The following ASAP1 variants were observed in gnomAD, a reference collection of about 807,000 sequenced individuals.
ASAP1 encodes the protein arf-GAP with SH3 domain, ANK repeat and PH domain-containing protein 1.
ASAP1 carries 43 observed loss-of-function variants against 145.2 expected under a neutral mutation model. The ratio of observed to expected loss-of-function variants is 0.30; its 90% CI spans 0.23 to 0.38. ASAP1 has a LOEUF of 0.38. Ranked by LOEUF, ASAP1 falls within the 10% of genes least tolerant of loss-of-function variation. The pLI is 1.00. For missense variants in ASAP1, 1,018 were observed against 1,355.3 expected (o/e 0.75, Z 3.91); for synonymous variants, 546 against 515.5 (o/e 1.06, Z -0.80).
intron 13 of ASAP1, among the ~76,000 whole-genome samples, chr8:130,141,788 G>C (rs1303739802): frequency 6.6e-6 from 1 of 152,122 alleles, no homozygotes; most frequent in Admixed American, 6.5e-5. Context: ...CACAATCATG[G>C]CTCACTGCAG....
intron 2 of ASAP1, among the ~76,000 whole-genome samples, chr8:130,386,495 C>T (rs1297791814): frequency 6.6e-6 from 1 of 152,232 alleles, no homozygotes; most frequent in East Asian, 1.9e-4. Flanking sequence ...CCTCAGCCCA[C>T]AGGGCTGTCG....
At chr8:130,248,057 A>C (rs943404078) in intron 3 of ASAP1, among the ~76,000 whole-genome samples, 1 of 152,142 alleles carries the variant, frequency 6.6e-6, no homozygotes, top group African/African-American at 2.4e-5. Flanking sequence ...TGGTAGAAAA[A>C]TCCTTGAAAA....
intron 7 of ASAP1, among the ~76,000 whole-genome samples, chr8:130,181,497 T>C (rs1388237122): frequency 6.6e-6 from 1 of 152,242 alleles, no homozygotes; most frequent in Non-Finnish European, 1.5e-5. Context: ...AATGGGTCTT[T>C]GTGGGTATGC....
intron 24 of ASAP1, among the ~76,000 whole-genome samples, chr8:130,105,265 C>A (rs1440088463): frequency 3.3e-5 from 5 of 152,116 alleles, no homozygotes; most frequent in African/African-American, 1.2e-4. Flanking sequence ...ATTTACATAG[C>A]ATTTACATTG....
intron 12 of ASAP1, among the ~76,000 whole-genome samples, chr8:130,154,563 C>T (rs189377297): frequency 9.3e-4 from 142 of 152,304 alleles, no homozygotes; most frequent in African/African-American, 3.2e-3. Flanking sequence ...CAAATGACAT[C>T]AGGAGACCAC....
intron 13 of ASAP1, among the ~76,000 whole-genome samples, chr8:130,140,258 C>G (rs1198912365): frequency 6.6e-6 from 1 of 151,798 alleles, no homozygotes; most frequent in Non-Finnish European, 1.5e-5. Flanking sequence ...CCAGGCTGCT[C>G]TTAAACTCCT....
chr8:130,196,927 G>A lies in ASAP1; in HGVS notation c.406-8744C>T, dbSNP rs1485801250. 8.5e-5 allele frequency among the ~76,000 whole-genome samples: 13 copies of A among 152,286 alleles called. No individual in the cohort carries two copies. The East Asian group carries it at 2.5e-3, about 29-fold the overall frequency. On this transcript the variant is annotated intron_variant, in intron 5 of 29. Coordinates refer to ENST00000518721, the MANE Select transcript of ASAP1 (RefSeq NM_018482.4). The stretch of plus-strand genomic sequence containing the variant: ...AAAACTGGTGCCTCCTGAAGTGGCA[G>A]GTCAAAAAATAAAACTAAATAAAAA...
At chr8:130,222,109 G>A (rs139781406) in intron 4 of ASAP1, among the ~76,000 whole-genome samples, 15 of 152,268 alleles carry the variant, frequency 9.9e-5, no homozygotes, top group South Asian at 4.1e-4. Context: ...ATCCCTAGGC[G>A]TTGGCAATAA....
At chr8:130,182,354 A>T (rs1814412488) in intron 7 of ASAP1, among the ~76,000 whole-genome samples, 1 of 152,250 alleles carries the variant, frequency 6.6e-6, no homozygotes, top group Non-Finnish European at 1.5e-5. Flanking sequence ...TATTTGGAAG[A>T]GCAAGGCTGA....
At chr8:130,072,824 T>TGTGTGTGCGTGTGCGCGCGCGCGCGC in intron 27 of ASAP1, among the ~76,000 whole-genome samples, 2 of 32,280 alleles carry the variant, frequency 6.2e-5, no homozygotes, top group African/African-American at 1.2e-4. Context: ...TGTGTGTGTG[T>TGTGTGTGCGTGTGCGCGCGCGCGCGC]GCGCGCGGGG....
chr8:130,189,168 A>C (rs917859431), intron 5 of ASAP1, among the ~76,000 whole-genome samples: 1 of 152,222 alleles, frequency 6.6e-6, no homozygotes, highest in Non-Finnish European at 1.5e-5. Flanking sequence ...TTGTGCTAGA[A>C]CATTTCAATT....
At chr8:130,226,627 G>C (rs1817604719) in intron 4 of ASAP1, among the ~76,000 whole-genome samples, 1 of 152,104 alleles carries the variant, frequency 6.6e-6, no homozygotes, top group Admixed American at 6.5e-5. Context: ...CAGCCTCTGG[G>C]GTGTTATCTG....
At chr8:130,058,200 C>A in intron 28 of ASAP1, 124 bp from the exon 29 acceptor site, 1 of 1,047,550 alleles carries the variant, frequency 9.5e-7, no homozygotes, top group South Asian at 1.5e-5. Context: ...GATTTCCTCA[C>A]CCTTGAAGGG....
chr8:130,200,010 GT>G (rs554700425), intron 5 of ASAP1, among the ~76,000 whole-genome samples: 6 of 152,166 alleles, frequency 3.9e-5, no homozygotes, highest in Non-Finnish European at 8.8e-5. Flanking sequence ...TTTCAACAAA[GT>G]GAGCATCTTA....
chr8:130,341,891 A>G (rs570329748), intron 3 of ASAP1, among the ~76,000 whole-genome samples: 1 of 152,214 alleles, frequency 6.6e-6, no homozygotes, highest in African/African-American at 2.4e-5. Context: ...GACTCTTGGC[A>G]TTGTTTTCTA....
At chr8:130,428,710 C>A (rs1294778709) in intron 1 of ASAP1, among the ~76,000 whole-genome samples, 1 of 150,380 alleles carries the variant, frequency 6.6e-6, no homozygotes, top group Non-Finnish European at 1.5e-5. Flanking sequence ...ATCATCACTA[C>A]CACCATCATC....
At chr8:130,257,793 C>A (rs1165225043) in intron 3 of ASAP1, among the ~76,000 whole-genome samples, 5 of 144,778 alleles carry the variant, frequency 3.5e-5, no homozygotes, top group Non-Finnish European at 6.1e-5. Flanking sequence ...AGCACCCCCC[C>A]CCCATTATTT....
intron 2 of ASAP1, among the ~76,000 whole-genome samples, chr8:130,401,170 C>A (rs1828780207): frequency 6.6e-6 from 1 of 152,208 alleles, no homozygotes. Flanking sequence ...GCATGAGCCA[C>A]TGCACCCAAC....
At chr8:130,178,330 T>C (rs545950012) in intron 9 of ASAP1, among the ~76,000 whole-genome samples, 1 of 152,156 alleles carries the variant, frequency 6.6e-6, no homozygotes. Context: ...AGAGTCTCCA[T>C]GTGTAGCTGG....
Sources: gnomAD v4.1 joint callset for allele counts (sites outside exome capture counted in the v4.1 genomes callset) on GRCh38, gnomAD v4.1.1 for gene constraint, MANE v1.5 for transcripts, NCBI Gene and HGNC (gene_info 2026-07-23, HGNC 2026-07-21) for gene names.